The following SOCS6 variants were observed in gnomAD, a reference collection of about 807,000 sequenced individuals.
SOCS6 encodes the protein suppressor of cytokine signaling 6.
Under a neutral mutation model 27.7 loss-of-function variants are expected in SOCS6, and 5 were observed. The ratio of observed to expected loss-of-function variants is 0.18; its 90% confidence interval spans 0.09 to 0.38. SOCS6 has a LOEUF of 0.38. Ranked by LOEUF, SOCS6 falls within the 10% of genes least tolerant of loss-of-function variation. The pLI, the probability that SOCS6 is intolerant of heterozygous loss-of-function variation, is 1.00. For missense variants in SOCS6, 595 were observed against 688.1 expected (o/e 0.86, Z 1.51); for synonymous variants, 271 against 260.0 (o/e 1.04, Z -0.41).
chr18:70,324,628 A>C lies in SOCS6; in HGVS notation c.-41A>C, dbSNP rs370650342. 94 of 1,324,832 alleles carry C rather than the reference A, an allele frequency of 7.1e-5. No individual in the cohort carries two copies. Among genetic ancestry groups the C allele is most frequent in the Non-Finnish European group, 9.4e-5 (90 of 953,898 alleles). 82.1% of individuals were successfully genotyped at this position (1,324,832 alleles called of 1,614,324 possible). On this transcript the variant is annotated 5_prime_UTR_variant, in exon 2 of 2. Transcript: ENST00000397942. Reference sequence around the variant, plus strand: ...TCCAGATGTTTGGGGATAATATTCCAGATAGAAATATTGATCCCTTGGATT... The same window carrying C: ...TCCAGATGTTTGGGGATAATATTCCCGATAGAAATATTGATCCCTTGGATT...
intron 1 of SOCS6, among the ~76,000 whole-genome samples, chr18:70,313,406 T>G (rs989978822): frequency 6.6e-6 from 1 of 151,980 alleles, no homozygotes; most frequent in Non-Finnish European, 1.5e-5. Flanking sequence ...ATTGTCAGAT[T>G]TATTCTTTTA....
chr18:70,306,477 CAAAAAAAAAAAAAAAA>C (rs55702216), intron 1 of SOCS6, among the ~76,000 whole-genome samples: 3 of 92,704 alleles, frequency 3.2e-5, no homozygotes, highest in African/African-American at 4.2e-5. Context: ...GACTCCATCT[CAAAAAAAAAAAAAAAA>C]AAAAAAGAAA....
At chr18:70,291,118 G>A (rs1035016147) in intron 1 of SOCS6, among the ~76,000 whole-genome samples, 1 of 152,190 alleles carries the variant, frequency 6.6e-6, no homozygotes. Context: ...CAGAAAGCAA[G>A]TATCTTCTTT....
rs1259473126 is a variant in SOCS6 at position 70,325,771 on chromosome 18, T to C, written c.1103T>C (p.Val368Ala). The change falls in exon 2 of 2, where the codon GTT becomes GCT. Residue 368 changes from valine to alanine, a missense_variant. Coordinates refer to ENST00000397942, the MANE Select transcript of SOCS6 (RefSeq NM_004232.4). This position sits in a 1 kb window ranked among gnomAD's most constrained non-coding sequence, Gnocchi z 6.3. The stretch of plus-strand genomic sequence containing the variant: ...TCAGTGCAAAGTAGTGGTCCCATGG[T>C]TGTGACAAGCCTTACAGAGGAGCTG... ...YDSVQSSGPM[V>A]VTSLTEELKK... 1 of 1,614,092 alleles carries C rather than the reference T, an allele frequency of 6.2e-7. No homozygotes were observed. Among genetic ancestry groups the C allele is most frequent in the African/African-American group, 1.3e-5 (1 of 74,928 alleles).
intron 1 of SOCS6, among the ~76,000 whole-genome samples, chr18:70,294,550 A>C (rs1266130480): frequency 6.6e-6 from 1 of 152,256 alleles, no homozygotes; most frequent in Non-Finnish European, 1.5e-5. Flanking sequence ...TAGTATTCTG[A>C]TTAATCAGCC....
intron 1 of SOCS6, among the ~76,000 whole-genome samples, chr18:70,321,312 GTTTTTTTTTT>G (rs763120236): frequency 1.3e-4 from 9 of 68,692 alleles, no homozygotes; most frequent in East Asian, 5.9e-4. Flanking sequence ...AATTTTCTCA[GTTTTTTTTTT>G]TTTTTTTTTT....
intron 1 of SOCS6, among the ~76,000 whole-genome samples, chr18:70,289,362 C>T (rs2062287701): frequency 6.7e-6 from 1 of 148,228 alleles, no homozygotes; most frequent in Non-Finnish European, 1.5e-5. Context: ...ACGCGGAAAC[C>T]GGGAAGCCGG....
At chr18:70,290,433 GA>G (rs1264785498) in intron 1 of SOCS6, among the ~76,000 whole-genome samples, 1 of 152,162 alleles carries the variant, frequency 6.6e-6, no homozygotes, top group African/African-American at 2.4e-5. Context: ...TTAAAAACAC[GA>G]ATGGCATTGC....
At chr18:70,299,047 G>A (rs2062336803) in intron 1 of SOCS6, among the ~76,000 whole-genome samples, 4 of 152,132 alleles carry the variant, frequency 2.6e-5, no homozygotes, top group South Asian at 2.1e-4. Flanking sequence ...GCTTGAACCC[G>A]GGAGGTGGAG....
Position 70,325,696 on chromosome 18 carries a change from A to G in SOCS6, c.1028A>G (p.His343Arg). ...EAHVAESMRC[H>R]LNFDPNSAPG... is the part of the protein sequence containing the mutation. The stretch of plus-strand genomic sequence containing the variant: ...CACGTGGCTGAAAGTATGCGCTGTC[A>G]TTTGAATTTTGATCCGAACTCTGCT... The change falls in exon 2 of 2, where the codon CAT (histidine) becomes CGT (arginine). Residue 343 changes from histidine (H) to arginine (R), a missense_variant. By Grantham distance (29) the His-to-Arg change is conservative. Coordinates refer to ENST00000397942, the MANE Select transcript of SOCS6 (RefSeq NM_004232.4). The surrounding 1 kb of genome is among the most constrained non-coding windows in gnomAD (Gnocchi z 6.3). The G allele has an allele frequency of 2.5e-6, 4 of 1,614,202 alleles. No homozygotes were observed. Among genetic ancestry groups the G allele is most frequent in the Non-Finnish European group, 3.4e-6 (4 of 1,180,028 alleles).
intron 1 of SOCS6, among the ~76,000 whole-genome samples, chr18:70,318,479 T>C (rs1236208184): frequency 6.6e-6 from 1 of 152,150 alleles, no homozygotes; most frequent in Non-Finnish European, 1.5e-5. Context: ...AACTAGCTGG[T>C]AGCATAAGAA....
At chr18:70,302,337 A>G (rs967607) in intron 1 of SOCS6, among the ~76,000 whole-genome samples, 70,008 of 151,576 alleles carry the variant, frequency 0.46, 16,873 homozygotes, top group East Asian at 0.76. Flanking sequence ...AGGGGTAATG[A>G]GAGTGTTCCA....
chr18:70,293,698 C>T (rs1241407848), intron 1 of SOCS6, among the ~76,000 whole-genome samples: 1 of 151,772 alleles, frequency 6.6e-6, no homozygotes, highest in South Asian at 2.1e-4. Flanking sequence ...AATTTCAGCA[C>T]TTCAATTTTA....
chr18:70,299,427 G>A (rs1474674580), intron 1 of SOCS6, among the ~76,000 whole-genome samples: 1 of 152,158 alleles, frequency 6.6e-6, no homozygotes, highest in Non-Finnish European at 1.5e-5. Flanking sequence ...TGGAGTTTCT[G>A]TGCCCTCCTA....
At chr18:70,298,631 A>C (rs2062334782) in intron 1 of SOCS6, among the ~76,000 whole-genome samples, 1 of 152,202 alleles carries the variant, frequency 6.6e-6, no homozygotes, top group Non-Finnish European at 1.5e-5. Flanking sequence ...CTGTCTTTTC[A>C]GTGTGCAAAT....
intron 1 of SOCS6, among the ~76,000 whole-genome samples, chr18:70,303,989 T>C (rs8091115): frequency 0.43 from 65,277 of 151,918 alleles, 14,823 homozygotes; most frequent in East Asian, 0.76. Flanking sequence ...AATGTAAATC[T>C]TTACCTACCT....
At chr18:70,320,065 C>T (rs554564891) in intron 1 of SOCS6, among the ~76,000 whole-genome samples, 18 of 151,960 alleles carry the variant, frequency 1.2e-4, no homozygotes, top group Admixed American at 2.6e-4. Context: ...GATCTCAGCT[C>T]ACTGCAGTCT....
intron 1 of SOCS6, among the ~76,000 whole-genome samples, chr18:70,321,151 A>G (rs1417555824): frequency 1.3e-5 from 2 of 151,592 alleles, no homozygotes; most frequent in South Asian, 2.1e-4. Context: ...GTGCGTGCCT[A>G]TAGTACCAAC....
Position 70,300,462 on chromosome 18 carries a change from G to A in SOCS6, c.-127+11372G>A, listed in dbSNP as rs141282095. Reference sequence around the variant, plus strand: ...CAATTCTTATAAGCCAACACAAAAAGCATTTTTACATGATTGACGTTATGA... The same window carrying A: ...CAATTCTTATAAGCCAACACAAAAAACATTTTTACATGATTGACGTTATGA... On this transcript the variant is annotated intron_variant, in intron 1 of 1. Transcript: ENST00000397942. 1.2e-4 allele frequency among the ~76,000 whole-genome samples: 19 copies of A among 152,234 alleles called. No homozygotes were observed. The East Asian group carries it at 2.7e-3, about 22-fold the overall frequency.
Sources: allele counts gnomAD v4.1 joint callset (sites outside exome capture counted in the v4.1 genomes callset), GRCh38; gene constraint gnomAD v4.1.1; non-coding constraint Gnocchi (gnomAD v3.1); transcripts MANE v1.5; gene names NCBI Gene and HGNC (gene_info 2026-07-23, HGNC 2026-07-21).